Variants in RAB2B observed in about 807,000 individuals in gnomAD.
RAB2B encodes the protein ras-related protein Rab-2B.
In RAB2B, 20 loss-of-function variants were observed where a neutral mutation model predicts 29.8. The observed-to-expected ratio is 0.67, with a 90% CI of 0.47 to 0.97. RAB2B has a LOEUF of 0.97. Among genes scored for constraint, RAB2B ranks in the 50% least tolerant of loss-of-function variants. The pLI is 0.00. For missense variants in RAB2B, 218 were observed against 272.0 expected (o/e 0.80, Z 1.40); for synonymous variants, 93 against 91.7 (o/e 1.01, Z -0.08).
chr14:21,469,971 A>C (rs1289712199), intron 3 of RAB2B, among the ~76,000 whole-genome samples: 1 of 126,100 alleles, frequency 7.9e-6, no homozygotes, highest in African/African-American at 3.4e-5. Context: ...TTTTTTTTTG[A>C]GAGGGAGTCT....
In RAB2B at chr14:21,476,529, T is replaced by C. The variant is rs1336665944; in HGVS notation, c.117A>G (p.Ile39Met). The change falls in exon 2 of 8, where the codon ATA (isoleucine) becomes ATG (methionine). Residue 39 changes from isoleucine to methionine, a missense_variant and splice_region_variant. Coordinates refer to ENST00000397762, the MANE Select transcript of RAB2B (RefSeq NM_032846.4). ...TCTGGAACAAGTAGATGCACTTACC[T>C]ATTGTGAGGTCGTGGACAGGCTGGA... The part of the protein sequence containing the change: ...KRFQPVHDLT[I>M]GVEFGARMVN... The C allele has an allele frequency of 6.2e-7, 1 of 1,613,622 alleles. No individual in the cohort carries two copies. Among genetic ancestry groups the C allele is most frequent in the Non-Finnish European group, 8.5e-7 (1 of 1,180,034 alleles).
At chr14:21,473,976 C>T (rs539091402) in intron 3 of RAB2B, among the ~76,000 whole-genome samples, 119 of 152,186 alleles carry the variant, frequency 7.8e-4, no homozygotes, top group African/African-American at 2.7e-3. Context: ...CACGCCACTG[C>T]ACTCCAGCCT....
At chr14:21,471,142 C>T (rs1033871224) in intron 3 of RAB2B, among the ~76,000 whole-genome samples, 3 of 151,470 alleles carry the variant, frequency 2.0e-5, no homozygotes, top group East Asian at 3.9e-4. Flanking sequence ...TATTGCACTC[C>T]AGCCTGGGCA....
Position 21,468,743 on chromosome 14 carries a change from C to G in RAB2B, c.196G>C (p.Glu66Gln), listed in dbSNP as rs988420555. ...GAACGGGTGATAGAACGGAAGGATT[C>G]TTGCCCAGCCTTTCCCACCAACATG... is the stretch of plus-strand genomic sequence containing the variant. ...KLQIWDTAGQ[E>Q]SFRSITRSYY... The change falls in exon 4 of 8, where the codon GAA becomes CAA. Residue 66 changes from glutamate to glutamine, a missense_variant. Glu to Gln is a conservative substitution (Grantham distance 29). Transcript: ENST00000397762. 1 of 1,537,406 alleles carries G rather than the reference C, an allele frequency of 6.5e-7. No individual in the cohort carries two copies. The highest frequency in any genetic ancestry group is 8.7e-7 in the Non-Finnish European group (1 of 1,143,234).
rs773462475 is a variant in RAB2B, at chr14:21,476,528, C to G, written c.118G>C (p.Gly40Arg). Residue 40 changes from glycine to arginine, a missense_variant and splice_region_variant, in exon 2 of 8, where the codon GGT (glycine) becomes CGT (arginine). By Grantham distance (125) the Gly-to-Arg change is moderately radical. Transcript: ENST00000397762. ...TTCTGGAACAAGTAGATGCACTTAC[C>G]TATTGTGAGGTCGTGGACAGGCTGG... ...RFQPVHDLTIGVEFGARMVNI... is the reference protein window; with the variant it reads ...RFQPVHDLTIRVEFGARMVNI... 6.2e-7 allele frequency: 1 copy of G among 1,613,750 alleles called. No homozygotes were observed. The highest frequency in any genetic ancestry group is 8.5e-7 in the Non-Finnish European group (1 of 1,180,026).
At chr14:21,463,590 CTGA>C in intron 6 of RAB2B, 63 bp downstream of exon 6, 2 of 1,147,978 alleles carry the variant, frequency 1.7e-6, no homozygotes, top group Non-Finnish European at 2.6e-6. Context: ...GAAGAGAATT[CTGA>C]ATACAAGGAC....
intron 5 of RAB2B, 79 bp downstream of exon 5, chr14:21,468,278 T>C: frequency 8.7e-7 from 1 of 1,155,640 alleles, no homozygotes. Flanking sequence ...CACTATAAAC[T>C]GAGAAAGTTT....
In RAB2B at chr14:21,459,090, G is replaced by GT. The variant is rs1429936989; in HGVS notation, c.*2105dup. ...CAGCAAAAAGAAAGTAGAAAAATTC[G>GT]TAAGACCTCAGGGCTGTGGAAGAGA... On this transcript the variant is annotated 3_prime_UTR_variant, in exon 8 of 8. Transcript: ENST00000397762. 3 of 152,536 alleles carry GT rather than the reference G, an allele frequency of 2.0e-5. No homozygotes were observed. Among genetic ancestry groups the GT allele is most frequent in the East Asian group, 1.9e-4 (1 of 5,206 alleles). The allele number at this position is 152,536 out of a possible 1,614,324, so 9.4% of individuals were successfully genotyped here.
At chr14:21,464,101 T>C (rs929707506) in intron 5 of RAB2B, among the ~76,000 whole-genome samples, 2 of 151,474 alleles carry the variant, frequency 1.3e-5, no homozygotes, top group African/African-American at 4.9e-5. Flanking sequence ...AAAGTATAGA[T>C]GAGGAAAAAA....
chr14:21,468,302 C>T (rs1890729654), intron 5 of RAB2B, 55 bp downstream of exon 5: 1 of 1,343,442 alleles, frequency 7.4e-7, no homozygotes, highest in East Asian at 2.3e-5. Context: ...GATCAATGTG[C>T]ATAGAGTACC....
Position 21,461,191 on chromosome 14 carries a change from G to A in RAB2B, c.*5C>T, listed in dbSNP as rs781720234. ...GGAAGGACAAAAAAAGTTCAAGCCA[G>A]ATGTTCAGCAGCAGCCAGAGTTGGA... On this transcript the variant is annotated 3_prime_UTR_variant, in exon 8 of 8. Transcript: ENST00000397762. 11 of 1,603,452 alleles carry A rather than the reference G, an allele frequency of 6.9e-6. No individual in the cohort carries two copies. The highest frequency in any genetic ancestry group is 4.0e-5 in the African/African-American group (3 of 74,466).
At chr14:21,464,998 CA>C (rs151156068) in intron 5 of RAB2B, among the ~76,000 whole-genome samples, 5 of 140,660 alleles carry the variant, frequency 3.6e-5, no homozygotes, top group Non-Finnish European at 3.1e-5. Context: ...GACCTTGTCG[CA>C]AAAAAAAAAC....
intron 3 of RAB2B, among the ~76,000 whole-genome samples, chr14:21,470,236 A>C (rs1342410807): frequency 6.6e-6 from 1 of 152,106 alleles, no homozygotes; most frequent in African/African-American, 2.4e-5. Context: ...TACAGGCATG[A>C]GCCACCGTGC....
rs150761149 is a variant in RAB2B, at chr14:21,474,344, G to C, written c.186+523C>G. Among the ~76,000 whole-genome samples the C allele has an allele frequency of 5.0e-3, 761 of 152,304 alleles. 6 individuals are homozygous for C. Among genetic ancestry groups the C allele is most frequent in the African/African-American group, 0.017 (705 of 41,560 alleles). Reference sequence around the variant, plus strand: ...GGAATGAGACAGATCTATATGTATTGATATGGAAAGGTCCCCACAACATAG... The same window carrying C: ...GGAATGAGACAGATCTATATGTATTCATATGGAAAGGTCCCCACAACATAG... On this transcript the variant is annotated intron_variant, in intron 3 of 7. Transcript: ENST00000397762.
intron 5 of RAB2B, among the ~76,000 whole-genome samples, chr14:21,464,913 G>C (rs1890651624): frequency 6.6e-6 from 1 of 152,052 alleles, no homozygotes; most frequent in South Asian, 2.1e-4. Flanking sequence ...TGAGGTGAGA[G>C]GATCTCTTGA....
intron 2 of RAB2B, 146 bp from the exon 3 acceptor site, chr14:21,475,080 C>A: frequency 1.6e-6 from 1 of 627,298 alleles, no homozygotes; most frequent in South Asian, 2.0e-5. Context: ...CCTATTTGCT[C>A]CAATTAATTT....
chr14:21,470,165 G>T lies in RAB2B; in HGVS notation c.187-1413C>A, dbSNP rs539600707. On this transcript the variant is annotated intron_variant, in intron 3 of 7. Transcript: ENST00000397762. Reference sequence around the variant, plus strand: ...AGATGGGTTTTCACTATGTTGGCTAGGCTGGTCTTGAACTCCTGACCTCAT... The same window carrying T: ...AGATGGGTTTTCACTATGTTGGCTATGCTGGTCTTGAACTCCTGACCTCAT... Among the ~76,000 whole-genome samples the T allele has an allele frequency of 4.0e-5, 6 of 151,896 alleles. No individual in the cohort carries two copies. The East Asian group carries it at 1.2e-3, about 29-fold the overall frequency.
Position 21,459,749 on chromosome 14 carries a change from G to C in RAB2B, c.*1447C>G, listed in dbSNP as rs981870789. 6.4e-6 allele frequency: 1 copy of C among 157,300 alleles called. No individual in the cohort carries two copies. The highest frequency in any genetic ancestry group is 1.4e-5 in the Non-Finnish European group (1 of 70,664). 9.7% of individuals were successfully genotyped at this position (157,300 alleles called of 1,614,324 possible). ...TCTGTTACTAAAGAAAAAATTTTTG[G>C]ACTTTTAAGTATAATTAGTGGAGAG... On this transcript the variant is annotated 3_prime_UTR_variant, in exon 8 of 8. Coordinates refer to ENST00000397762, the MANE Select transcript of RAB2B (RefSeq NM_032846.4).
rs142723043 is a variant in RAB2B, at chr14:21,475,611, C to T, written c.119-677G>A. On this transcript the variant is annotated intron_variant, in intron 2 of 7. Transcript: ENST00000397762. ...CGCCCACCTAATTTTTTTAACAATACATTTTACATTTCCAATAATTGCCAG... is the reference window on the plus strand; with the variant it reads ...CGCCCACCTAATTTTTTTAACAATATATTTTACATTTCCAATAATTGCCAG... 7.2e-3 allele frequency among the ~76,000 whole-genome samples: 1,101 copies of T among 152,138 alleles called. 12 individuals carry two copies. The highest frequency in any genetic ancestry group is 0.025 in the African/African-American group (1,029 of 41,504).
Sources: gnomAD v4.1 joint callset for allele counts (sites outside exome capture counted in the v4.1 genomes callset) on GRCh38, gnomAD v4.1.1 for gene constraint, MANE v1.5 for transcripts, NCBI Gene and HGNC (gene_info 2026-07-23, HGNC 2026-07-21) for gene names.